Variants in ROR2 observed in about 807,000 individuals in gnomAD.
The protein encoded by ROR2 is tyrosine-protein kinase transmembrane receptor ROR2.
A neutral mutation model predicts 74.9 loss-of-function variants in ROR2; 33 were observed. The observed-to-expected ratio is 0.44, with a 90% confidence interval of 0.33 to 0.59. The LOEUF (loss-of-function observed/expected upper bound fraction) is 0.59. Ranked by LOEUF, ROR2 falls within the 20% of genes least tolerant of loss-of-function variation. The pLI is 0.02. For missense variants in ROR2, 1,216 were observed against 1,313.8 expected, an observed-to-expected ratio of 0.93 and a Z score of 1.15; for synonymous variants, 586 against 558.7, an observed-to-expected ratio of 1.05 and a Z score of -0.69.
At chr9:91,769,096 C>A (rs1251603158) in intron 2 of ROR2, among the ~76,000 whole-genome samples, 1 of 152,138 alleles carries the variant, frequency 6.6e-6, no homozygotes, top group Non-Finnish European at 1.5e-5. Flanking sequence ...AGGGGCTGAA[C>A]TGGCTGCTGA....
chr9:91,747,829 C>T (rs1437998517), intron 4 of ROR2, among the ~76,000 whole-genome samples: 1 of 152,116 alleles, frequency 6.6e-6, no homozygotes, highest in African/African-American at 2.4e-5. Flanking sequence ...AGATGACAGC[C>T]AGTGGGCTGC....
chr9:91,725,230 C>G, intron 8 of ROR2, 123 bp from the exon 9 acceptor site: 1 of 1,564,090 alleles, frequency 6.4e-7, no homozygotes, highest in South Asian at 1.1e-5. Context: ...TGCAGAAGAC[C>G]CGCTGGTTTT....
chr9:91,794,965 T>C (rs960881396), intron 1 of ROR2, among the ~76,000 whole-genome samples: 12 of 151,468 alleles, frequency 7.9e-5, no homozygotes, highest in Admixed American at 4.6e-4. Flanking sequence ...CTACTAAAAA[T>C]ACAAAGATTA....
Position 91,733,292 on chromosome 9 carries a change from C to T in ROR2, c.767G>A (p.Cys256Tyr). The T allele has an allele frequency of 1.9e-6, 3 of 1,612,904 alleles. No individual in the cohort carries two copies. Among genetic ancestry groups the T allele is most frequent in the Non-Finnish European group, 2.5e-6 (3 of 1,179,762 alleles). Residue 256 changes from cysteine (C) to tyrosine (Y), a missense_variant, in exon 6 of 9, where the codon TGC (cysteine) becomes TAC (tyrosine). Coordinates refer to ENST00000375708, the MANE Select transcript of ROR2 (RefSeq NM_004560.4). This position sits in a 1 kb window ranked among gnomAD's most constrained non-coding sequence, Gnocchi z 5.7. ...PKPRELCRDECEVLESDLCRQ... is the reference protein window; with the variant it reads ...PKPRELCRDEYEVLESDLCRQ... ...GCACAGGTCGCTCTCCAGCACCTCGCACTCGTCGCGGCACAGCTCACGCGG... is the reference window on the plus strand; with the variant it reads ...GCACAGGTCGCTCTCCAGCACCTCGTACTCGTCGCGGCACAGCTCACGCGG...
At chr9:91,792,226 T>C (rs1311439466) in intron 1 of ROR2, among the ~76,000 whole-genome samples, 2 of 143,886 alleles carry the variant, frequency 1.4e-5, no homozygotes, top group African/African-American at 2.6e-5. Flanking sequence ...AGGAAGGAAA[T>C]AACAAAGATT....
rs1006974104 is a variant in ROR2, at chr9:91,925,889, A to G, written c.97+23978T>C. 2.6e-5 allele frequency among the ~76,000 whole-genome samples: 4 copies of G among 152,294 alleles called. No individual in the cohort carries two copies. In the South Asian group the frequency reaches 8.3e-4, roughly 32 times the overall value. On this transcript the variant is annotated intron_variant, in intron 1 of 8. Coordinates refer to ENST00000375708, the MANE Select transcript of ROR2 (RefSeq NM_004560.4). The stretch of plus-strand genomic sequence containing the variant: ...TGGGGTTTCCTCCTGGTGAGAAACA[A>G]GTCACTTGGCTTCCACGCACTCTGC...
intron 1 of ROR2, among the ~76,000 whole-genome samples, chr9:91,794,481 T>G (rs1025407985): frequency 1.3e-5 from 2 of 151,570 alleles, no homozygotes; most frequent in Non-Finnish European, 2.9e-5. Context: ...CCTGTTACAG[T>G]CACCAGAAAT....
intron 1 of ROR2, among the ~76,000 whole-genome samples, chr9:91,815,896 G>C (rs1338196708): frequency 6.6e-6 from 1 of 152,162 alleles, no homozygotes; most frequent in Non-Finnish European, 1.5e-5. Context: ...GTTGCCCTGA[G>C]ACTGGCTCTC....
chr9:91,776,904 A>G (rs1826439334), intron 1 of ROR2, among the ~76,000 whole-genome samples: 1 of 152,204 alleles, frequency 6.6e-6, no homozygotes, highest in Non-Finnish European at 1.5e-5. Flanking sequence ...TACCCCAAAG[A>G]AAAATAAGCT....
chr9:91,911,512 C>T (rs78821848), intron 1 of ROR2, among the ~76,000 whole-genome samples: 1,929 of 152,124 alleles, frequency 0.013, 45 homozygotes, highest in African/African-American at 0.043. Flanking sequence ...CATTACGTGG[C>T]GCATTACCAT....
Position 91,754,307 on chromosome 9 carries a change from C to T in ROR2, c.494+1764G>A, listed in dbSNP as rs1403717283. Among the ~76,000 whole-genome samples the T allele has an allele frequency of 2.0e-5, 3 of 150,446 alleles. No homozygotes were observed. The East Asian group carries it at 5.8e-4, about 29-fold the overall frequency. ...GTATTTACAATATATTATATAGTTACATAATATATTTATGTAACTATATAT... is the reference window on the plus strand; with the variant it reads ...GTATTTACAATATATTATATAGTTATATAATATATTTATGTAACTATATAT... On this transcript the variant is annotated intron_variant, in intron 4 of 8. Transcript: ENST00000375708.
intron 1 of ROR2, among the ~76,000 whole-genome samples, chr9:91,909,847 G>GTTTTTTTTTTTTTTTTTTTTTTTTTTTT (rs71362365): frequency 9.3e-5 from 5 of 53,598 alleles, no homozygotes; most frequent in Non-Finnish European, 1.6e-4. Context: ...GGTTTGTTTT[G>GTTTTTTTTTTTTTTTTTTTTTTTTTTTT]TTTTTTTTTT....
At position 91,746,737 on chromosome 9, in the gene ROR2, A is replaced by C. The variant is rs1166365197; in HGVS notation, c.495-9219T>G. On this transcript the variant is annotated intron_variant, in intron 4 of 8. Transcript: ENST00000375708. ...GAGAACGGCTGAAGTCTTGGAATTA[A>C]CTGATTCTTGTTCCCATAAGAAAAT... Among the ~76,000 whole-genome samples the C allele has an allele frequency of 9.2e-5, 14 of 152,322 alleles. No homozygotes were observed. The South Asian group carries it at 2.5e-3, about 27-fold the overall frequency.
intron 1 of ROR2, among the ~76,000 whole-genome samples, chr9:91,780,399 G>C (rs1303623421): frequency 6.6e-6 from 1 of 150,726 alleles, no homozygotes; most frequent in Non-Finnish European, 1.5e-5. Context: ...AAGAAAGAAA[G>C]AAAGAAATTA....
chr9:91,844,357 G>A (rs1319487475), intron 1 of ROR2, among the ~76,000 whole-genome samples: 1 of 151,866 alleles, frequency 6.6e-6, no homozygotes, highest in Non-Finnish European at 1.5e-5. Flanking sequence ...CGGCCTCCAC[G>A]CTCCTGCACC....
chr9:91,793,384 A>G (rs1158637719), intron 1 of ROR2, among the ~76,000 whole-genome samples: 1 of 152,196 alleles, frequency 6.6e-6, no homozygotes, highest in Non-Finnish European at 1.5e-5. Context: ...GAGAAAAAAA[A>G]AAGCTGAAGT....
intron 1 of ROR2, among the ~76,000 whole-genome samples, chr9:91,777,410 CCAT>C (rs71362360): frequency 2.0e-4 from 30 of 150,932 alleles, no homozygotes; most frequent in Middle Eastern, 3.4e-3. Flanking sequence ...CACACACACC[CCAT>C]CATCATCATC....
At chr9:91,845,032 T>A (rs1406535835) in intron 1 of ROR2, among the ~76,000 whole-genome samples, 2 of 152,136 alleles carry the variant, frequency 1.3e-5, no homozygotes, top group African/African-American at 4.8e-5. Flanking sequence ...ATGAATCCAA[T>A]CCAGCAGAGA....
At chr9:91,806,799 C>G (rs1827567414) in intron 1 of ROR2, among the ~76,000 whole-genome samples, 2 of 152,154 alleles carry the variant, frequency 1.3e-5, no homozygotes, top group South Asian at 2.1e-4. Flanking sequence ...CCGTGTTAGC[C>G]AGGATGGTCT....
Sources: allele counts gnomAD v4.1 joint callset (sites outside exome capture counted in the v4.1 genomes callset), GRCh38; gene constraint gnomAD v4.1.1; non-coding constraint Gnocchi (gnomAD v3.1); transcripts MANE v1.5; gene names NCBI Gene and HGNC (gene_info 2026-07-23, HGNC 2026-07-21).